The following RIMS2 variants were observed in gnomAD, a reference collection of about 807,000 sequenced individuals.
RIMS2 encodes regulating synaptic membrane exocytosis 2.
A neutral mutation model predicts 174.4 loss-of-function variants in RIMS2; 59 were observed. That is an observed-to-expected ratio of 0.34 (90% CI 0.27 to 0.42). The LOEUF (loss-of-function observed/expected upper bound fraction) is 0.42, where lower values mean the gene tolerates loss of function less well. Ranked by LOEUF, RIMS2 falls within the 10% of genes least tolerant of loss-of-function variation. The pLI is 1.00. For synonymous variants in RIMS2, 606 were observed against 572.5 expected (o/e 1.06, Z -0.84); for missense variants, 1,620 against 1,666.3 (o/e 0.97, Z 0.48).
At position 103,855,122 on chromosome 8, in the gene RIMS2, C is replaced by G. The variant is rs1372690072; in HGVS notation, c.699-30176C>G. On this transcript the variant is annotated intron_variant, in intron 3 of 23. Coordinates refer to ENST00000504942, the Ensembl canonical transcript of RIMS2. ...TTTTCCAGGAATTCATCTATTTCCT[C>G]TGTATTTTCTAGTTTTTGTGCATAG... Among the ~76,000 whole-genome samples the G allele has an allele frequency of 2.6e-5, 4 of 151,926 alleles. 1 individual carries two copies. The highest frequency in any genetic ancestry group is 5.9e-5 in the Non-Finnish European group (4 of 67,958).
intron 1 of RIMS2, among the ~76,000 whole-genome samples, chr8:103,563,067 C>T (rs1451659119): frequency 2.6e-5 from 4 of 152,136 alleles, no homozygotes; most frequent in African/African-American, 7.2e-5. Flanking sequence ...CCTAAATCTC[C>T]AGGCCTGTGA....
At chr8:103,995,090 A>G (rs796582169) in intron 17 of RIMS2, among the ~76,000 whole-genome samples, 1 of 152,204 alleles carries the variant, frequency 6.6e-6, no homozygotes, top group African/African-American at 2.4e-5. Context: ...ACTTTTTTAA[A>G]TATTTCCTTA....
intron 19 of RIMS2, among the ~76,000 whole-genome samples, chr8:104,067,612 G>A (rs1234773321): frequency 2.0e-5 from 3 of 151,978 alleles, no homozygotes; most frequent in Non-Finnish European, 2.9e-5. Flanking sequence ...GGATGGTCTC[G>A]AACTCCTGGT....
chr8:104,060,061 G>A (rs1168099655), intron 19 of RIMS2, among the ~76,000 whole-genome samples: 1 of 151,790 alleles, frequency 6.6e-6, no homozygotes, highest in African/African-American at 2.4e-5. Context: ...CCCGGCTTTG[G>A]TATCAGGATG....
chr8:103,789,918 A>T (rs1412761283), intron 3 of RIMS2, among the ~76,000 whole-genome samples: 1 of 151,374 alleles, frequency 6.6e-6, no homozygotes, highest in Non-Finnish European at 1.5e-5. Context: ...ATGTCCAGAT[A>T]TTTTTTTCTA....
chr8:103,958,043 C>T (rs1339670563), intron 14 of RIMS2, among the ~76,000 whole-genome samples: 1 of 152,104 alleles, frequency 6.6e-6, no homozygotes, highest in Non-Finnish European at 1.5e-5. Flanking sequence ...CCAGCAATCC[C>T]ATTACTGGGT....
chr8:103,750,953 G>T (rs962874620), intron 2 of RIMS2, among the ~76,000 whole-genome samples: 2 of 152,106 alleles, frequency 1.3e-5, no homozygotes, highest in African/African-American at 2.4e-5. Context: ...GAATCATGGG[G>T]GCAGGTCTTT....
At chr8:104,113,618 T>C (rs1364949395) in intron 19 of RIMS2, among the ~76,000 whole-genome samples, 4 of 152,172 alleles carry the variant, frequency 2.6e-5, no homozygotes, top group South Asian at 2.1e-4. Flanking sequence ...CATTTTGGAA[T>C]TGGCTCTAGT....
At chr8:103,769,470 C>G (rs1389680768) in intron 3 of RIMS2, among the ~76,000 whole-genome samples, 1 of 152,034 alleles carries the variant, frequency 6.6e-6, no homozygotes, top group Non-Finnish European at 1.5e-5. Context: ...ATTACAGGCA[C>G]CCACCACCAT....
intron 4 of RIMS2, among the ~76,000 whole-genome samples, chr8:103,887,040 A>T (rs1450599131): frequency 6.6e-6 from 1 of 151,840 alleles, no homozygotes; most frequent in East Asian, 1.9e-4. Flanking sequence ...CTTTCCAAAA[A>T]GGTTGTAACA....
chr8:103,611,286 ATTG>A (rs1321940149), intron 1 of RIMS2, among the ~76,000 whole-genome samples: 1 of 151,968 alleles, frequency 6.6e-6, no homozygotes, highest in Non-Finnish European at 1.5e-5. Context: ...TTGATAGATT[ATTG>A]TTATGATTAT....
intron 3 of RIMS2, among the ~76,000 whole-genome samples, chr8:103,813,828 G>C (rs1033727312): frequency 7.2e-5 from 11 of 152,062 alleles, no homozygotes; most frequent in Non-Finnish European, 1.2e-4. Flanking sequence ...TTGGTTCCAG[G>C]TCTTTGCTAT....
chr8:104,243,852 C>G (rs1282281997), intron 19 of RIMS2, among the ~76,000 whole-genome samples: 1 of 152,190 alleles, frequency 6.6e-6, no homozygotes. Context: ...TTGGTAGCCT[C>G]TCAACTTCAC....
intron 4 of RIMS2, among the ~76,000 whole-genome samples, chr8:103,907,534 T>C (rs943997901): frequency 6.6e-6 from 1 of 151,942 alleles, no homozygotes; most frequent in African/African-American, 2.4e-5. Flanking sequence ...CTTTTTTTTC[T>C]CTGCATGCTG....
At chr8:103,581,738 G>T (rs1000873321) in intron 1 of RIMS2, among the ~76,000 whole-genome samples, 8 of 152,162 alleles carry the variant, frequency 5.3e-5, no homozygotes, top group Non-Finnish European at 8.8e-5. Flanking sequence ...GAGGTCAGAG[G>T]AGGAGCAAGA....
At chr8:104,071,497 C>A (rs1011508967) in intron 19 of RIMS2, among the ~76,000 whole-genome samples, 1 of 152,110 alleles carries the variant, frequency 6.6e-6, no homozygotes, top group Non-Finnish European at 1.5e-5. Context: ...TGCAGTGGCA[C>A]CATATCAGCT....
intron 1 of RIMS2, chr8:103,559,132 AT>A: frequency 6.5e-6 from 1 of 153,172 alleles, no homozygotes; most frequent in Non-Finnish European, 1.3e-5. Flanking sequence ...TCAGCTGCCC[AT>A]TTGCCCCCAG....
intron 1 of RIMS2, among the ~76,000 whole-genome samples, chr8:103,599,298 G>A (rs1235633676): frequency 6.6e-6 from 1 of 150,878 alleles, no homozygotes; most frequent in African/African-American, 2.4e-5. Flanking sequence ...GGCTCTGAGA[G>A]GGAAGGGAAC....
chr8:104,122,330 G>C lies in RIMS2; in HGVS notation c.3334+107715G>C, dbSNP rs983554477. Among the ~76,000 whole-genome samples, 3 of 152,134 alleles carry C rather than the reference G, an allele frequency of 2.0e-5. No individual in the cohort carries two copies. The East Asian group carries it at 5.8e-4, about 29-fold the overall frequency. On this transcript the variant is annotated intron_variant, in intron 19 of 23. Coordinates refer to ENST00000504942, the Ensembl canonical transcript of RIMS2. Reference sequence around the variant, plus strand: ...GCTGATATTAGATGTGAAGCTGTAAGTGCTAGGGTTAGGGTAGGAGTTCGT... The same window carrying C: ...GCTGATATTAGATGTGAAGCTGTAACTGCTAGGGTTAGGGTAGGAGTTCGT...
Sources: allele counts gnomAD v4.1 joint callset (sites outside exome capture counted in the v4.1 genomes callset), GRCh38; gene constraint gnomAD v4.1.1; transcripts MANE v1.5; gene names NCBI Gene and HGNC (gene_info 2026-07-23, HGNC 2026-07-21).